AFF2: variants seen among roughly 807,000 people sequenced by gnomAD.
AFF2 encodes the protein AF4/FMR2 family member 2.
A neutral mutation model predicts 76.9 loss-of-function variants in AFF2; 14 were observed. The ratio of observed to expected loss-of-function variants is 0.18; its 90% CI spans 0.12 to 0.28. The LOEUF (loss-of-function observed/expected upper bound fraction) is 0.28, where lower values mean the gene tolerates loss of function less well. Among genes scored for constraint, AFF2 ranks in the 10% least tolerant of loss-of-function variants. The pLI, the probability that AFF2 is intolerant of heterozygous loss-of-function variation, is 1.00. For missense variants in AFF2, 868 were observed against 1,001.1 expected (o/e 0.87, Z 1.79); for synonymous variants, 398 against 366.7 (o/e 1.09, Z -0.98).
intron 3 of AFF2, among the ~76,000 whole-genome samples, chrX:148,808,890 G>T (rs2070169270): frequency 8.9e-6 from 1 of 111,834 alleles, no homozygotes; most frequent in African/African-American, 3.3e-5. Flanking sequence ...CCATACTTAA[G>T]TCTGTTGGGG....
chrX:148,982,136 T>C (rs782094872), intron 19 of AFF2, among the ~76,000 whole-genome samples: 44 of 112,071 alleles, frequency 3.9e-4, no homozygotes, highest in African/African-American at 1.3e-3. Flanking sequence ...AAAAGCGTTT[T>C]TTTAAAAAAA....
intron 16 of AFF2, 41 bp from the exon 17 acceptor site, chrX:148,977,892 G>A: frequency 1.0e-6 from 1 of 986,470 alleles, no homozygotes; most frequent in Non-Finnish European, 1.4e-6. Flanking sequence ...TTTCTGAAGG[G>A]TAATACAGAT....
intron 8 of AFF2, among the ~76,000 whole-genome samples, chrX:148,902,312 C>T (rs2071363022): frequency 1.8e-5 from 2 of 112,068 alleles, no homozygotes; most frequent in Non-Finnish European, 3.8e-5. Context: ...CACTTGAACA[C>T]AGCACCCATT....
chrX:148,642,018 G>T (rs1603265674), intron 1 of AFF2, among the ~76,000 whole-genome samples: 2 of 112,346 alleles, frequency 1.8e-5, no homozygotes, highest in East Asian at 2.8e-4. Flanking sequence ...TCACAACAGG[G>T]TTACCCTGAT....
intron 5 of AFF2, among the ~76,000 whole-genome samples, chrX:148,841,172 C>G (rs1018804159): frequency 8.9e-6 from 1 of 111,899 alleles, no homozygotes; most frequent in Non-Finnish European, 1.9e-5. Flanking sequence ...AGATATTTGG[C>G]TTAATTGACT....
At chrX:148,703,881 A>G (rs2054832418) in intron 3 of AFF2, among the ~76,000 whole-genome samples, 1 of 109,878 alleles carries the variant, frequency 9.1e-6, no homozygotes, top group South Asian at 3.8e-4. Flanking sequence ...TAGGCCAGAA[A>G]AATAGAACTC....
intron 3 of AFF2, among the ~76,000 whole-genome samples, chrX:148,697,107 C>T (rs5980580): frequency 0.069 from 7,712 of 111,942 alleles, 645 homozygotes; most frequent in African/African-American, 0.24. Flanking sequence ...GTTTCCTATT[C>T]CTTCTCAAAT....
intron 1 of AFF2, among the ~76,000 whole-genome samples, chrX:148,647,043 C>T (rs10521875): frequency 2.7e-5 from 3 of 111,189 alleles, no homozygotes; most frequent in African/African-American, 6.5e-5. Flanking sequence ...AAATAGGACT[C>T]GGTATAGAAA....
intron 1 of AFF2, among the ~76,000 whole-genome samples, chrX:148,580,099 T>C (rs1168100275): frequency 8.9e-6 from 1 of 112,038 alleles, no homozygotes; most frequent in African/African-American, 3.2e-5. Flanking sequence ...CTGAACATGC[T>C]ATGCTGTTTA....
At chrX:148,598,645 G>A (rs2053598296) in intron 1 of AFF2, among the ~76,000 whole-genome samples, 1 of 111,721 alleles carries the variant, frequency 9.0e-6, no homozygotes, top group Non-Finnish European at 1.9e-5. Context: ...CAAAAGAAAA[G>A]CAAAATAAAC....
intron 1 of AFF2, among the ~76,000 whole-genome samples, chrX:148,565,029 G>A (rs947644729): frequency 5.4e-5 from 6 of 111,720 alleles, no homozygotes; most frequent in Non-Finnish European, 1.1e-4. Flanking sequence ...CACATTACAT[G>A]GAATTGAAAT....
intron 16 of AFF2, among the ~76,000 whole-genome samples, chrX:148,975,943 C>CAAAAAAA (rs59057839): frequency 3.1e-4 from 7 of 22,713 alleles, no homozygotes; most frequent in African/African-American, 5.6e-4. Context: ...GACTCCGTCT[C>CAAAAAAA]AAAAAAAAAA....
chrX:148,936,720 C>T (rs1557285060), intron 9 of AFF2, among the ~76,000 whole-genome samples: 1 of 112,443 alleles, frequency 8.9e-6, no homozygotes, highest in Admixed American at 9.4e-5. Context: ...TATGGTTAGT[C>T]ACTGTGGGAA....
At chrX:148,977,327 A>G (rs2072337453) in intron 16 of AFF2, among the ~76,000 whole-genome samples, 1 of 110,524 alleles carries the variant, frequency 9.0e-6, no homozygotes, top group Non-Finnish European at 1.9e-5. Context: ...TACAAGCATC[A>G]TAAATTAAGG....
At chrX:148,667,105 A>AG (rs1289704195) in intron 3 of AFF2, among the ~76,000 whole-genome samples, 1 of 112,277 alleles carries the variant, frequency 8.9e-6, no homozygotes. Context: ...AGGCTATCTG[A>AG]GGCTCCAATT....
At chrX:148,711,531 A>G (rs1311450396) in intron 3 of AFF2, among the ~76,000 whole-genome samples, 1 of 112,095 alleles carries the variant, frequency 8.9e-6, no homozygotes, top group African/African-American at 3.2e-5. Flanking sequence ...TAAATGTTTC[A>G]TATAATGAAT....
intron 7 of AFF2, among the ~76,000 whole-genome samples, chrX:148,844,847 T>A (rs1373900725): frequency 9.0e-6 from 1 of 111,435 alleles, no homozygotes; most frequent in Non-Finnish European, 1.9e-5. Context: ...CAAAGTTCAA[T>A]TTCAACAACC....
At position 148,992,246 on chromosome X, in the gene AFF2, C is replaced by A. The variant is rs2072541555; in HGVS notation, c.*914C>A. On this transcript the variant is annotated 3_prime_UTR_variant, in exon 21 of 21. Coordinates refer to ENST00000370460, the MANE Select transcript of AFF2 (RefSeq NM_002025.4). The stretch of plus-strand genomic sequence containing the variant: ...AACAAGGAATTCACACCTCTGCCTC[C>A]TTTGCAACAACAACATTTACACAGT... The A allele has an allele frequency of 8.9e-6, 1 of 112,007 alleles. No individual in the cohort carries two copies. The highest frequency in any genetic ancestry group is 1.9e-5 in the Non-Finnish European group (1 of 53,207). The allele number at this position is 112,007 out of a possible 1,213,427, so 9.2% of individuals were successfully genotyped here.
intron 4 of AFF2, among the ~76,000 whole-genome samples, chrX:148,830,462 A>G (rs2070439772): frequency 9.0e-6 from 1 of 111,644 alleles, no homozygotes; most frequent in Admixed American, 9.4e-5. Context: ...ATAATTCATC[A>G]TTATTTCACA....
Sources: gnomAD v4.1 joint callset for allele counts (sites outside exome capture counted in the v4.1 genomes callset) on GRCh38, gnomAD v4.1.1 for gene constraint, MANE v1.5 for transcripts, NCBI Gene and HGNC (gene_info 2026-07-23, HGNC 2026-07-21) for gene names.